The following PPP3CA variants were observed in gnomAD, a reference collection of about 807,000 sequenced individuals.
The protein encoded by PPP3CA is protein phosphatase 3 catalytic subunit alpha, also known as CAM-PRP catalytic subunit.
Under a neutral mutation model 66.5 loss-of-function variants are expected in PPP3CA, and 14 were observed. The ratio of observed to expected loss-of-function variants is 0.21; its 90% CI spans 0.14 to 0.33. The LOEUF (loss-of-function observed/expected upper bound fraction) is 0.33. PPP3CA is among the 10% of genes least tolerant of loss of function. The pLI is 1.00. For missense variants in PPP3CA, 317 were observed against 639.5 expected, an observed-to-expected ratio of 0.50 and a Z score of 5.44; for synonymous variants, 232 against 226.2, an observed-to-expected ratio of 1.03 and a Z score of -0.23.
chr4:101,346,859 C>T lies in PPP3CA; in HGVS notation c.-63G>A. ...GTCCGACTGCACACCCCGACCGGACCGGCGGGCCAGACACTCAACGCCGCC... is the reference window on the plus strand; with the variant it reads ...GTCCGACTGCACACCCCGACCGGACTGGCGGGCCAGACACTCAACGCCGCC... On this transcript the variant is annotated 5_prime_UTR_variant, in exon 1 of 14. Coordinates refer to ENST00000394854, the MANE Select transcript of PPP3CA (RefSeq NM_000944.5). 2 of 1,564,736 alleles carry T rather than the reference C, an allele frequency of 1.3e-6. No individual in the cohort carries two copies. Among genetic ancestry groups the T allele is most frequent in the Non-Finnish European group, 1.7e-6 (2 of 1,154,318 alleles).
intron 6 of PPP3CA, among the ~76,000 whole-genome samples, chr4:101,085,568 T>C (rs1729628114): frequency 6.6e-6 from 1 of 152,128 alleles, no homozygotes; most frequent in Non-Finnish European, 1.5e-5. Flanking sequence ...TGGAGGGAAT[T>C]CATTTTGAAG....
chr4:101,096,873 A>T (rs1310196212), intron 5 of PPP3CA, among the ~76,000 whole-genome samples: 1 of 151,772 alleles, frequency 6.6e-6, no homozygotes, highest in African/African-American at 2.4e-5. Context: ...ATGGCAGCTG[A>T]TAGAATTAAC....
chr4:101,338,335 A>T (rs567181901), intron 1 of PPP3CA, among the ~76,000 whole-genome samples: 1 of 152,244 alleles, frequency 6.6e-6, no homozygotes, highest in Non-Finnish European at 1.5e-5. Flanking sequence ...CAAAGACTGG[A>T]GCTTACAAGT....
chr4:101,240,051 G>A (rs1415818101), intron 1 of PPP3CA, among the ~76,000 whole-genome samples: 1 of 150,716 alleles, frequency 6.6e-6, no homozygotes, highest in Non-Finnish European at 1.5e-5. Flanking sequence ...GGGGGAGCGG[G>A]GGGGAGGTGA....
At chr4:101,061,479 A>G (rs1167463095) in intron 9 of PPP3CA, among the ~76,000 whole-genome samples, 1 of 152,106 alleles carries the variant, frequency 6.6e-6, no homozygotes, top group Admixed American at 6.6e-5. Flanking sequence ...TTGAATTTTT[A>G]TTAGTCACAC....
At chr4:101,095,262 A>G (rs1377120963) in intron 5 of PPP3CA, among the ~76,000 whole-genome samples, 1 of 152,178 alleles carries the variant, frequency 6.6e-6, no homozygotes, top group Non-Finnish European at 1.5e-5. Flanking sequence ...AAAAACAATA[A>G]CTTATTAAGG....
intron 8 of PPP3CA, among the ~76,000 whole-genome samples, chr4:101,066,113 T>C (rs1349746697): frequency 5.9e-5 from 9 of 152,140 alleles, no homozygotes; most frequent in Non-Finnish European, 1.3e-4. Flanking sequence ...CAGTCACACT[T>C]AGAAAGAGGT....
chr4:101,217,549 C>A (rs1725495196), intron 1 of PPP3CA, among the ~76,000 whole-genome samples: 4 of 152,078 alleles, frequency 2.6e-5, no homozygotes, highest in African/African-American at 9.7e-5. Flanking sequence ...CAAGGATCTG[C>A]CACTCACCGA....
rs1726503327 is a variant in PPP3CA at position 101,023,989 on chromosome 4, A to G, written c.*1876T>C. On this transcript the variant is annotated 3_prime_UTR_variant, in exon 14 of 14. Transcript: ENST00000394854. ...AGCCTAGTACTTTTTGCTTTAGCAGATAGATAGGGCATCCAATACAACTGA... is the reference window on the plus strand; with the variant it reads ...AGCCTAGTACTTTTTGCTTTAGCAGGTAGATAGGGCATCCAATACAACTGA... 6.6e-6 allele frequency: 1 copy of G among 152,418 alleles called. No individual in the cohort carries two copies. 9.4% of individuals were successfully genotyped at this position (152,418 alleles called of 1,614,324 possible).
At position 101,294,316 on chromosome 4, in the gene PPP3CA, A is replaced by G. The variant is rs139730180; in HGVS notation, c.58+52423T>C. Among the ~76,000 whole-genome samples the G allele has an allele frequency of 8.6e-3, 1,304 of 151,988 alleles. 7 individuals carry two copies. Among genetic ancestry groups the G allele is most frequent in the Non-Finnish European group, 0.012 (841 of 67,912 alleles). ...CATTCATCTTTGAACTAGGTATCTC[A>G]TCAAATAATTCTGAAGCACTGATGC... On this transcript the variant is annotated intron_variant, in intron 1 of 13. Transcript: ENST00000394854.
chr4:101,218,937 C>T lies in PPP3CA; in HGVS notation c.59-22821G>A, dbSNP rs544113314. Among the ~76,000 whole-genome samples, 21 of 152,218 alleles carry T rather than the reference C, an allele frequency of 1.4e-4. 1 individual carries two copies. In the South Asian group the frequency reaches 4.1e-3, roughly 30 times the overall value. The stretch of plus-strand genomic sequence containing the variant: ...GTTTTTACTGGCTATCCACATACTT[C>T]TTCCCAGCACAAATAAACGCATTGT... On this transcript the variant is annotated intron_variant, in intron 1 of 13. Coordinates refer to ENST00000394854, the MANE Select transcript of PPP3CA (RefSeq NM_000944.5).
intron 1 of PPP3CA, among the ~76,000 whole-genome samples, chr4:101,224,975 T>C (rs1270580635): frequency 6.6e-6 from 1 of 151,520 alleles, no homozygotes; most frequent in Non-Finnish European, 1.5e-5. Context: ...TCAACCCAAC[T>C]CTCCTCTCCG....
At chr4:101,343,339 T>C (rs1346251080) in intron 1 of PPP3CA, among the ~76,000 whole-genome samples, 2 of 152,114 alleles carry the variant, frequency 1.3e-5, no homozygotes, top group Non-Finnish European at 2.9e-5. Flanking sequence ...TAGGGAATGC[T>C]AGGGCCAGAC....
intron 1 of PPP3CA, among the ~76,000 whole-genome samples, chr4:101,272,919 T>C (rs567744784): frequency 6.6e-6 from 1 of 152,280 alleles, no homozygotes; most frequent in South Asian, 2.1e-4. Flanking sequence ...GAGCAAACTA[T>C]TCCCAGGTAA....
intron 5 of PPP3CA, 127 bp from the exon 6 acceptor site, chr4:101,094,042 C>A: frequency 1.3e-6 from 1 of 745,850 alleles, no homozygotes; most frequent in Non-Finnish European, 2.0e-6. Flanking sequence ...GGTGAAATGT[C>A]CTCTACCTCT....
chr4:101,218,066 T>C (rs1475063343), intron 1 of PPP3CA, among the ~76,000 whole-genome samples: 1 of 152,108 alleles, frequency 6.6e-6, no homozygotes, highest in Non-Finnish European at 1.5e-5. Flanking sequence ...GAGGATGAAC[T>C]ACCTGTCTTG....
intron 1 of PPP3CA, among the ~76,000 whole-genome samples, chr4:101,227,758 T>C (rs1380596491): frequency 6.6e-6 from 1 of 151,626 alleles, no homozygotes; most frequent in Non-Finnish European, 1.5e-5. Context: ...CATTGCTCCC[T>C]TCTATGTGTC....
chr4:101,344,338 AATCTT>A (rs1163776378), intron 1 of PPP3CA, among the ~76,000 whole-genome samples: 2 of 152,174 alleles, frequency 1.3e-5, no homozygotes, highest in African/African-American at 4.8e-5. Context: ...TAATAATAAA[AATCTT>A]ATGTATGACA....
chr4:101,327,969 C>T (rs973660018), intron 1 of PPP3CA, among the ~76,000 whole-genome samples: 1 of 151,840 alleles, frequency 6.6e-6, no homozygotes, highest in Non-Finnish European at 1.5e-5. Flanking sequence ...TCAGGGTCCA[C>T]AAAAATATCA....
Sources: allele counts gnomAD v4.1 joint callset (sites outside exome capture counted in the v4.1 genomes callset), GRCh38; gene constraint gnomAD v4.1.1; transcripts MANE v1.5; gene names NCBI Gene and HGNC (gene_info 2026-07-23, HGNC 2026-07-21).